Variants in GRAMD1B observed in about 807,000 individuals in gnomAD.
GRAMD1B encodes protein Aster-B.
In GRAMD1B, 37 loss-of-function variants were observed where a neutral mutation model predicts 99.7. The observed-to-expected ratio is 0.37, with a 90% CI of 0.29 to 0.49. The LOEUF (loss-of-function observed/expected upper bound fraction) is 0.49. Ranked by LOEUF, GRAMD1B falls within the 20% of genes least tolerant of loss-of-function variation. The pLI, the probability that GRAMD1B is intolerant of heterozygous loss-of-function variation, is 0.98. For missense variants in GRAMD1B, 888 were observed against 1,009.2 expected (o/e 0.88, Z 1.63); for synonymous variants, 427 against 387.6 (o/e 1.10, Z -1.19).
At chr11:123,397,943 T>A (rs953908333) in intron 1 of GRAMD1B, among the ~76,000 whole-genome samples, 4 of 152,192 alleles carry the variant, frequency 2.6e-5, no homozygotes, top group African/African-American at 9.7e-5. Flanking sequence ...TAATGAAGAG[T>A]ATTCCATTGT....
At chr11:123,527,211 T>C (rs753066275) in intron 2 of GRAMD1B, among the ~76,000 whole-genome samples, 11 of 151,982 alleles carry the variant, frequency 7.2e-5, no homozygotes, top group African/African-American at 4.8e-5. Context: ...CATCTCTGAG[T>C]GAAAGGTTGA....
intron 19 of GRAMD1B, among the ~76,000 whole-genome samples, chr11:123,621,802 A>T (rs1381391874): frequency 6.7e-6 from 1 of 150,262 alleles, no homozygotes; most frequent in Non-Finnish European, 1.5e-5. Context: ...AGAGTTCTTG[A>T]TCTAGCACTG....
At chr11:123,480,037 C>A (rs1951504482) in intron 1 of GRAMD1B, among the ~76,000 whole-genome samples, 1 of 152,108 alleles carries the variant, frequency 6.6e-6, no homozygotes, top group South Asian at 2.1e-4. Context: ...ATGATTTGTT[C>A]ATCAGCTATG....
At chr11:123,482,615 G>C (rs1951675609) in intron 2 of GRAMD1B, among the ~76,000 whole-genome samples, 1 of 152,096 alleles carries the variant, frequency 6.6e-6, no homozygotes, top group South Asian at 2.1e-4. Context: ...ATGGGAGCAT[G>C]GTGCATGGAT....
intron 2 of GRAMD1B, among the ~76,000 whole-genome samples, chr11:123,500,070 G>A (rs1211302152): frequency 6.6e-6 from 1 of 152,218 alleles, no homozygotes; most frequent in East Asian, 1.9e-4. Flanking sequence ...GCTCACGCCT[G>A]TAATCCCAGC....
In GRAMD1B at chr11:123,598,330, C is replaced by T; in HGVS notation, c.970-2138C>T. On this transcript the variant is annotated intron_variant, in intron 7 of 19. Coordinates refer to ENST00000635736, the MANE Select transcript of GRAMD1B (RefSeq NM_001387025.1). ...AGGTTTTTGGGGTTGTAAATGATCT[C>T]GTTCTCTTCATCTTCACTCTAACTC... The T allele has an allele frequency of 4.2e-6, 5 of 1,200,572 alleles. No individual in the cohort carries two copies. The South Asian group carries it at 4.8e-5, about 12-fold the overall frequency. The allele number at this position is 1,200,572 out of a possible 1,614,324, so 74.4% of individuals were successfully genotyped here.
At chr11:123,604,517 G>A (rs1295296747) in intron 9 of GRAMD1B, among the ~76,000 whole-genome samples, 4 of 152,200 alleles carry the variant, frequency 2.6e-5, no homozygotes, top group African/African-American at 9.7e-5. Flanking sequence ...GGGTGGAAGG[G>A]TAGCTAGCTG....
upstream of GRAMD1B, among the ~76,000 whole-genome samples, chr11:123,427,977 C>T (rs564464629): frequency 2.6e-5 from 4 of 152,260 alleles, no homozygotes; most frequent in South Asian, 8.3e-4. Context: ...CACTTAAATT[C>T]AGAGTGCCCA....
chr11:123,578,320 C>T lies in GRAMD1B; in HGVS notation c.663+743C>T, dbSNP rs1948959719. 9.0e-6 allele frequency: 10 copies of T among 1,113,992 alleles called. No homozygotes were observed. In the Middle Eastern group the frequency reaches 5.7e-4, roughly 64 times the overall value. 69.0% of individuals were successfully genotyped at this position (1,113,992 alleles called of 1,614,324 possible). ...CCTGGGAGGCATGGGAGCTGGCTTC[C>T]CACTTGAATTTGTCTTTTGATTTCT... On this transcript the variant is annotated intron_variant, in intron 3 of 19. Transcript: ENST00000635736.
chr11:123,600,506 T>C lies in GRAMD1B; in HGVS notation c.1008T>C (p.Tyr336=). 6.2e-7 allele frequency: 1 copy of C among 1,613,184 alleles called. No homozygotes were observed. Among genetic ancestry groups the C allele is most frequent in the Non-Finnish European group, 8.5e-7 (1 of 1,179,294 alleles). The change falls in exon 8 of 20, where the codon TAT becomes TAC. Residue 336 remains tyrosine (Y), a synonymous_variant. Transcript: ENST00000635736. ...FTSFGARDRT[Y]MMMFRLWQNA... The stretch of plus-strand genomic sequence containing the variant: ...CGTTTGGGGCCCGGGATAGGACATA[T>C]ATGATGATGTTCCGGCTCTGGCAGA...
At chr11:123,377,022 C>T (rs915155540) in intron 1 of GRAMD1B, among the ~76,000 whole-genome samples, 2 of 152,176 alleles carry the variant, frequency 1.3e-5, no homozygotes, top group Admixed American at 6.5e-5. Flanking sequence ...GTATCCTTCT[C>T]TCTCCCATCC....
intron 2 of GRAMD1B, among the ~76,000 whole-genome samples, chr11:123,574,350 A>G (rs1205618471): frequency 6.6e-6 from 1 of 152,222 alleles, no homozygotes; most frequent in African/African-American, 2.4e-5. Context: ...GGGAGCTACT[A>G]GAACACAGTA....
At chr11:123,601,471 C>T (rs1435465010) in intron 8 of GRAMD1B, among the ~76,000 whole-genome samples, 1 of 151,304 alleles carries the variant, frequency 6.6e-6, no homozygotes, top group African/African-American at 2.4e-5. Context: ...TAGGAGAAAA[C>T]GCACCGACAC....
intron 1 of GRAMD1B, among the ~76,000 whole-genome samples, chr11:123,419,746 T>TGAGAAAGA (rs1460799464): frequency 2.8e-4 from 38 of 134,902 alleles, no homozygotes; most frequent in African/African-American, 1.0e-3. Flanking sequence ...TGTGTGTGTG[T>TGAGAAAGA]GAATGAGAAA....
At chr11:123,474,247 T>G (rs1591639450) in intron 1 of GRAMD1B, among the ~76,000 whole-genome samples, 1 of 134,298 alleles carries the variant, frequency 7.4e-6, no homozygotes, top group African/African-American at 3.3e-5. Context: ...AATGTTTTCT[T>G]TTTTTTAACT....
intron 1 of GRAMD1B, among the ~76,000 whole-genome samples, chr11:123,433,965 C>G (rs900766244): frequency 5.3e-5 from 8 of 152,044 alleles, no homozygotes; most frequent in African/African-American, 1.9e-4. Flanking sequence ...CGCAGTGGCT[C>G]ACGCCTGTAA....
At chr11:123,616,003 G>A (rs749317105) in intron 17 of GRAMD1B, among the ~76,000 whole-genome samples, 7 of 152,086 alleles carry the variant, frequency 4.6e-5, no homozygotes, top group Non-Finnish European at 1.0e-4. Flanking sequence ...CATAAGAAAC[G>A]AAGATATTTT....
At chr11:123,470,079 T>G (rs1950934708) in intron 1 of GRAMD1B, among the ~76,000 whole-genome samples, 1 of 152,118 alleles carries the variant, frequency 6.6e-6, no homozygotes. Context: ...CTAGATGAGC[T>G]TACTATGGTT....
intron 2 of GRAMD1B, among the ~76,000 whole-genome samples, chr11:123,570,938 G>A (rs1038577243): frequency 2.0e-5 from 3 of 152,176 alleles, no homozygotes; most frequent in Non-Finnish European, 4.4e-5. Context: ...AAGAAACAAC[G>A]AAGTCAACAC....
Sources: allele counts gnomAD v4.1 joint callset (sites outside exome capture counted in the v4.1 genomes callset), GRCh38; gene constraint gnomAD v4.1.1; transcripts MANE v1.5; gene names NCBI Gene and HGNC (gene_info 2026-07-23, HGNC 2026-07-21).